MSRA: variants seen among roughly 807,000 people sequenced by gnomAD.
MSRA encodes mitochondrial peptide methionine sulfoxide reductase.
Under a neutral mutation model 31.3 loss-of-function variants are expected in MSRA, and 54 were observed. The ratio of observed to expected loss-of-function variants is 1.73; its 90% CI spans 1.39 to 2.17. The LOEUF is 2.17. Ranked by LOEUF, MSRA falls within the 30% of genes most tolerant of loss-of-function variation. The pLI, the probability that MSRA is intolerant of heterozygous loss-of-function variation, is 0.00. For synonymous variants in MSRA, 169 were observed against 116.5 expected, an observed-to-expected ratio of 1.45 and a Z score of -2.90; for missense variants, 507 against 300.9, an observed-to-expected ratio of 1.69 and a Z score of -5.07.
At chr8:10,079,249 C>A (rs187514310) in intron 1 of MSRA, among the ~76,000 whole-genome samples, 1 of 152,022 alleles carries the variant, frequency 6.6e-6, no homozygotes, top group Admixed American at 6.5e-5. Context: ...GCCTCGACAT[C>A]CTGGGCTTAG....
chr8:10,229,915 A>G (rs966997196), intron 2 of MSRA, among the ~76,000 whole-genome samples: 4 of 152,198 alleles, frequency 2.6e-5, no homozygotes, highest in Admixed American at 6.5e-5. Flanking sequence ...CCATATAATC[A>G]GTGAATTTCC....
intron 5 of MSRA, among the ~76,000 whole-genome samples, chr8:10,407,772 G>A (rs915149365): frequency 3.9e-5 from 6 of 152,120 alleles, no homozygotes; most frequent in Non-Finnish European, 7.4e-5. Flanking sequence ...AAACACCCCA[G>A]CACCTGAAGT....
At chr8:10,320,062 A>G in intron 5 of MSRA, 73 bp downstream of exon 5, 1 of 898,606 alleles carries the variant, frequency 1.1e-6, no homozygotes, top group Non-Finnish European at 1.7e-6. Flanking sequence ...TTTAGAGGGC[A>G]GTCTGCTGCT....
At position 10,348,281 on chromosome 8, in the gene MSRA, G is replaced by C. The variant is rs961747906; in HGVS notation, c.543+28292G>C. Among the ~76,000 whole-genome samples the C allele has an allele frequency of 3.4e-5, 5 of 149,170 alleles. No homozygotes were observed. The Admixed American group carries it at 3.4e-4, about 10-fold the overall frequency. ...TCCGTGCTAGGGCCTTCTCCGCGGA[G>C]ATTTTTTTTTCTTGAGGCCTACACC... On this transcript the variant is annotated intron_variant, in intron 5 of 5. Coordinates refer to ENST00000317173, the MANE Select transcript of MSRA (RefSeq NM_012331.5).
At chr8:10,076,248 C>G (rs919082413) in intron 1 of MSRA, among the ~76,000 whole-genome samples, 2 of 152,230 alleles carry the variant, frequency 1.3e-5, no homozygotes, top group African/African-American at 4.8e-5. Context: ...TGTGATGCGT[C>G]CAGTAGGGAC....
intron 5 of MSRA, among the ~76,000 whole-genome samples, chr8:10,358,999 T>G (rs537715347): frequency 1.3e-5 from 2 of 152,174 alleles, no homozygotes; most frequent in Admixed American, 6.5e-5. Flanking sequence ...TGAAACAGTT[T>G]GATCCCAAAA....
chr8:10,339,281 C>G (rs995877520), intron 5 of MSRA, among the ~76,000 whole-genome samples: 1 of 152,154 alleles, frequency 6.6e-6, no homozygotes, highest in Non-Finnish European at 1.5e-5. Context: ...GAGACAGGCC[C>G]TTTCTGTAAC....
At chr8:10,218,663 C>T (rs762561559) in intron 2 of MSRA, among the ~76,000 whole-genome samples, 3 of 152,170 alleles carry the variant, frequency 2.0e-5, no homozygotes, top group African/African-American at 7.2e-5. Context: ...TCCTTATGTA[C>T]CATTTTGCTC....
At chr8:10,256,810 C>T (rs1033133754) in intron 3 of MSRA, among the ~76,000 whole-genome samples, 10 of 152,152 alleles carry the variant, frequency 6.6e-5, no homozygotes, top group Non-Finnish European at 1.5e-4. Context: ...CCCTGAGTTT[C>T]AGCCCAGTGG....
chr8:10,093,422 A>C (rs1445228085), intron 1 of MSRA, among the ~76,000 whole-genome samples: 1 of 152,200 alleles, frequency 6.6e-6, no homozygotes, highest in Non-Finnish European at 1.5e-5. Flanking sequence ...ATTAATACCA[A>C]TGTAATAATA....
chr8:10,265,540 G>A (rs1798702088), intron 3 of MSRA, among the ~76,000 whole-genome samples: 5 of 152,204 alleles, frequency 3.3e-5, no homozygotes, highest in Admixed American at 2.6e-4. Context: ...CTAGCCCATA[G>A]CAGGGACTAG....
intron 5 of MSRA, among the ~76,000 whole-genome samples, chr8:10,342,987 G>A (rs1406951057): frequency 2.0e-5 from 3 of 150,982 alleles, no homozygotes; most frequent in African/African-American, 4.9e-5. Context: ...ATGAGATAAC[G>A]TGTGGAAAGG....
chr8:10,221,331 A>G (rs916074217), intron 2 of MSRA, among the ~76,000 whole-genome samples: 1 of 152,040 alleles, frequency 6.6e-6, no homozygotes, highest in African/African-American at 2.4e-5. Flanking sequence ...GACATTTTTA[A>G]TCTACCTTGC....
chr8:10,327,890 G>T (rs1310988365), intron 5 of MSRA, among the ~76,000 whole-genome samples: 1 of 152,008 alleles, frequency 6.6e-6, no homozygotes, highest in Non-Finnish European at 1.5e-5. Flanking sequence ...CTGAGATTGC[G>T]CCACTGCACT....
At chr8:10,108,095 C>G (rs536751299) in intron 1 of MSRA, among the ~76,000 whole-genome samples, 6 of 152,080 alleles carry the variant, frequency 3.9e-5, no homozygotes, top group Admixed American at 6.6e-5. Context: ...TGAGGGAGGC[C>G]TCCCTTAGCC....
chr8:10,423,206 C>T (rs957180752), intron 5 of MSRA, among the ~76,000 whole-genome samples: 1 of 152,204 alleles, frequency 6.6e-6, no homozygotes, highest in African/African-American at 2.4e-5. Context: ...TTCCTCCTCT[C>T]CAGCTCTCCT....
intron 1 of MSRA, among the ~76,000 whole-genome samples, chr8:10,183,430 A>G (rs540056409): frequency 1.3e-5 from 2 of 152,278 alleles, no homozygotes; most frequent in African/African-American, 4.8e-5. Context: ...GGGACCTACT[A>G]TTAAAAGCCA....
At chr8:10,363,738 C>CCCCACACACACACACACACACACACACA (rs1804991535) in intron 5 of MSRA, among the ~76,000 whole-genome samples, 1 of 103,370 alleles carries the variant, frequency 9.7e-6, no homozygotes, top group Non-Finnish European at 1.9e-5. Context: ...GATGCAGTCA[C>CCCCACACACACACACACACACACACACA]CACACACACA....
chr8:10,099,348 A>G (rs536494071), intron 1 of MSRA, among the ~76,000 whole-genome samples: 10 of 152,156 alleles, frequency 6.6e-5, no homozygotes, highest in Non-Finnish European at 1.3e-4. Flanking sequence ...CATTCAGCAG[A>G]TACTCCCAGA....
Sources: allele counts gnomAD v4.1 joint callset (sites outside exome capture counted in the v4.1 genomes callset), GRCh38; gene constraint gnomAD v4.1.1; transcripts MANE v1.5; gene names NCBI Gene and HGNC (gene_info 2026-07-23, HGNC 2026-07-21).